The following DGKH variants were observed in gnomAD, a reference collection of about 807,000 sequenced individuals.
DGKH encodes the protein diacylglycerol kinase eta, also known as DAG kinase eta.
DGKH carries 90 observed loss-of-function variants against 159.3 expected under a neutral mutation model. The observed-to-expected ratio is 0.57, with a 90% CI of 0.48 to 0.67. DGKH has a LOEUF of 0.67. DGKH is among the 30% of genes least tolerant of loss of function. The pLI, the probability that DGKH is intolerant of heterozygous loss-of-function variation, is 0.00. For synonymous variants in DGKH, 536 were observed against 553.8 expected, an observed-to-expected ratio of 0.97 and a Z score of 0.45; for missense variants, 1,181 against 1,506.1, an observed-to-expected ratio of 0.78 and a Z score of 3.57.
At chr13:42,182,394 A>G (rs1158052404) in intron 13 of DGKH, among the ~76,000 whole-genome samples, 1 of 152,158 alleles carries the variant, frequency 6.6e-6, no homozygotes, top group Admixed American at 6.5e-5. Flanking sequence ...CTTTTGGTAT[A>G]TAGTCCTCCC....
intron 3 of DGKH, among the ~76,000 whole-genome samples, chr13:42,139,455 C>A (rs561960984): frequency 6.6e-6 from 1 of 152,290 alleles, no homozygotes; most frequent in East Asian, 1.9e-4. Flanking sequence ...ACTTGTCATC[C>A]AAAGAGCTGT....
chr13:42,053,576 GTATATATATAACTATATA>G (rs1413923231), intron 1 of DGKH, among the ~76,000 whole-genome samples: 1 of 73,762 alleles, frequency 1.4e-5, no homozygotes, highest in African/African-American at 8.1e-5. Flanking sequence ...AACTATATAT[GTATATATATAACTATATA>G]TATGTATATA....
chr13:42,133,610 C>T (rs988219125), intron 3 of DGKH, among the ~76,000 whole-genome samples: 9 of 152,116 alleles, frequency 5.9e-5, no homozygotes, highest in African/African-American at 1.9e-4. Flanking sequence ...ATGGGAGGAT[C>T]GCTTGAGCTC....
chr13:42,231,325 T>C lies in DGKH; in HGVS notation c.*2137T>C, dbSNP rs1958288339. 1 of 152,064 alleles carries C rather than the reference T, an allele frequency of 6.6e-6. No individual in the cohort carries two copies. The highest frequency in any genetic ancestry group is 6.6e-5 in the Admixed American group (1 of 15,256). The allele number at this position is 152,064 out of a possible 1,614,324, so 9.4% of individuals were successfully genotyped here. ...CTGAGATCACACCACTGCACTCTAC[T>C]AGCCTGGGTGACAGAGCAAGACTCC... is the stretch of plus-strand genomic sequence containing the variant. On this transcript the variant is annotated 3_prime_UTR_variant, in exon 30 of 30. Coordinates refer to ENST00000337343, the MANE Select transcript of DGKH (RefSeq NM_178009.5).
At chr13:42,208,089 C>T (rs1340683346) in intron 21 of DGKH, among the ~76,000 whole-genome samples, 1 of 152,032 alleles carries the variant, frequency 6.6e-6, no homozygotes. Flanking sequence ...TTGATTTTTA[C>T]TGCTGAAGAA....
chr13:42,095,226 G>A (rs1954502034), intron 1 of DGKH, among the ~76,000 whole-genome samples: 1 of 141,668 alleles, frequency 7.1e-6, no homozygotes, highest in East Asian at 2.1e-4. Flanking sequence ...GCAGTGGTGC[G>A]ATCTTGGCTC....
intron 3 of DGKH, among the ~76,000 whole-genome samples, chr13:42,135,711 T>C (rs1012870882): frequency 6.6e-6 from 1 of 152,162 alleles, no homozygotes; most frequent in East Asian, 1.9e-4. Flanking sequence ...TGTATGTGAA[T>C]GTATTCCTCC....
intron 17 of DGKH, among the ~76,000 whole-genome samples, chr13:42,196,540 A>G (rs1435018847): frequency 6.6e-6 from 1 of 152,240 alleles, no homozygotes; most frequent in Non-Finnish European, 1.5e-5. Flanking sequence ...ATGTAATATG[A>G]CTGCATTTAT....
chr13:42,216,574 C>T (rs1384613363), intron 26 of DGKH: 6 of 152,166 alleles, frequency 3.9e-5, no homozygotes, highest in African/African-American at 1.4e-4. Flanking sequence ...AGTGCCTGAG[C>T]TTAGGGTTTC....
At chr13:42,070,830 C>T (rs1383038727) in intron 1 of DGKH, 2 of 1,346,404 alleles carry the variant, frequency 1.5e-6, no homozygotes, top group South Asian at 2.4e-5. Flanking sequence ...TTAATTGGCT[C>T]CCACTGGGAC....
intron 12 of DGKH, among the ~76,000 whole-genome samples, chr13:42,176,175 T>A (rs1286707540): frequency 1.3e-5 from 2 of 152,190 alleles, no homozygotes; most frequent in African/African-American, 4.8e-5. Flanking sequence ...AAACTTGGAT[T>A]TTTTGAATGT....
intron 27 of DGKH, 21 bp downstream of exon 27, chr13:42,219,370 T>C (rs751001988): frequency 5.0e-6 from 8 of 1,612,404 alleles, no homozygotes; most frequent in Admixed American, 3.3e-5. Flanking sequence ...TTCAGCCTGT[T>C]TCTCTAGAAA....
At position 42,229,142 on chromosome 13, in the gene DGKH, A is replaced by G. The variant is rs774162562; in HGVS notation, c.3617A>G (p.Gln1206Arg). The change falls in exon 30 of 30, where the codon CAG (glutamine) becomes CGG (arginine). Residue 1206 changes from glutamine to arginine, a missense_variant. Gln to Arg is a conservative substitution (Grantham distance 43, BLOSUM62 1). Coordinates refer to ENST00000337343, the MANE Select transcript of DGKH (RefSeq NM_178009.5). ...GTGGGTCATGTGAAGCGAATTCTCC[A>G]GGGAATTAAAGAGCTTGGAAGGAGC... Reference protein sequence around the residue: ...PKVGHVKRILQGIKELGRSTP... With the variant: ...PKVGHVKRILRGIKELGRSTP... 1 of 1,611,604 alleles carries G rather than the reference A, an allele frequency of 6.2e-7. No homozygotes were observed. The highest frequency in any genetic ancestry group is 8.5e-7 in the Non-Finnish European group (1 of 1,179,348).
intron 1 of DGKH, among the ~76,000 whole-genome samples, chr13:42,125,938 T>TCCGGGAAGCGGAGCTTGCAGTG (rs1566114635): frequency 6.6e-6 from 1 of 152,198 alleles, no homozygotes; most frequent in African/African-American, 2.4e-5. Context: ...ATTTTGGTTC[T>TCCGGGAAGCGGAGCTTGCAGTG]ACAAGCTGTT....
Position 42,048,655 on chromosome 13 carries a change from G to C in DGKH, c.-119G>C, listed in dbSNP as rs951288365. 3.4e-6 allele frequency: 4 copies of C among 1,182,334 alleles called. No individual in the cohort carries two copies. The highest frequency in any genetic ancestry group is 4.2e-6 in the Non-Finnish European group (4 of 948,356). 73.2% of individuals were successfully genotyped at this position (1,182,334 alleles called of 1,614,324 possible). A position where few individuals can be genotyped will look rare whatever the true frequency, so the allele number is the denominator to read the frequency against. ...ACCTCGCGGGGGTAGCTAGGGAAAC[G>C]GAAGATGGCGGCGGCGGCCGGGCAC... On this transcript the variant is annotated 5_prime_UTR_variant, in exon 1 of 30. Transcript: ENST00000337343. The surrounding 1 kb of genome is among the most constrained non-coding windows in gnomAD (Gnocchi z 6.7).
At chr13:42,194,612 G>A (rs1957159058) in intron 16 of DGKH, among the ~76,000 whole-genome samples, 3 of 152,110 alleles carry the variant, frequency 2.0e-5, no homozygotes, top group Non-Finnish European at 4.4e-5. Flanking sequence ...TTATCTTTAA[G>A]TGTGCATTGA....
intron 1 of DGKH, among the ~76,000 whole-genome samples, chr13:42,079,099 A>G (rs1341357998): frequency 6.6e-6 from 1 of 151,622 alleles, no homozygotes. Context: ...ATTTTTTAGT[A>G]GAGACGGGGT....
intron 17 of DGKH, chr13:42,196,076 A>T (rs1957197015): frequency 6.6e-6 from 1 of 152,206 alleles, no homozygotes; most frequent in South Asian, 2.1e-4. Flanking sequence ...TCACCAGGGG[A>T]ATGCAAATTA....
intron 1 of DGKH, among the ~76,000 whole-genome samples, chr13:42,067,387 A>C (rs1882655909): frequency 6.6e-6 from 1 of 152,202 alleles, no homozygotes; most frequent in Non-Finnish European, 1.5e-5. Context: ...ATACTAGTTT[A>C]TGCTTTAATT....
Sources: allele counts gnomAD v4.1 joint callset (sites outside exome capture counted in the v4.1 genomes callset), GRCh38; gene constraint gnomAD v4.1.1; non-coding constraint Gnocchi (gnomAD v3.1); transcripts MANE v1.5; gene names NCBI Gene and HGNC (gene_info 2026-07-23, HGNC 2026-07-21).